Variants in FRAS1 observed in about 807,000 individuals in gnomAD.
The protein encoded by FRAS1 is extracellular matrix organizing protein FRAS1.
A neutral mutation model predicts 435.2 loss-of-function variants in FRAS1; 290 were observed. The observed-to-expected ratio is 0.67, with a 90% CI of 0.61 to 0.73. The LOEUF (loss-of-function observed/expected upper bound fraction) is 0.73, where lower values mean the gene tolerates loss of function less well. Among genes scored for constraint, FRAS1 ranks in the 30% least tolerant of loss-of-function variants. The pLI is 0.00. For missense variants in FRAS1, 4,860 were observed against 5,001.5 expected (o/e 0.97, Z 0.85); for synonymous variants, 1,800 against 1,851.0 (o/e 0.97, Z 0.71).
At chr4:78,243,277 C>T (rs1296091209) in intron 3 of FRAS1, among the ~76,000 whole-genome samples, 1 of 152,032 alleles carries the variant, frequency 6.6e-6, no homozygotes, top group Non-Finnish European at 1.5e-5. Flanking sequence ...AGGAGTACCC[C>T]ACTATTGTAA....
chr4:78,282,141 C>T (rs1304329451), intron 11 of FRAS1, among the ~76,000 whole-genome samples: 2 of 152,218 alleles, frequency 1.3e-5, no homozygotes, highest in Non-Finnish European at 2.9e-5. Flanking sequence ...CCTCCCTCAT[C>T]ACCCCAATAC....
At chr4:78,483,767 ACTCTCTCTCTCTCT>A (rs148245140) in intron 58 of FRAS1, among the ~76,000 whole-genome samples, 39,898 of 109,598 alleles carry the variant, frequency 0.36, 10,509 homozygotes, top group South Asian at 0.71. Context: ...GAAAAAAAAA[ACTCTCTCTCTCTCT>A]CTATATATAT....
intron 2 of FRAS1, among the ~76,000 whole-genome samples, chr4:78,129,193 C>A (rs1451577352): frequency 6.6e-6 from 1 of 152,182 alleles, no homozygotes; most frequent in African/African-American, 2.4e-5. Context: ...TAGCGTGATG[C>A]CTCCAGCTTT....
At chr4:78,452,461 A>C (rs867022403) in intron 47 of FRAS1, 107 bp downstream of exon 47, 2 of 849,346 alleles carry the variant, frequency 2.4e-6, no homozygotes, top group Middle Eastern at 3.0e-4. Flanking sequence ...CTTAATTCAT[A>C]TTTATTTTCT....
At chr4:78,198,792 A>G (rs1478859279) in intron 2 of FRAS1, among the ~76,000 whole-genome samples, 1 of 152,154 alleles carries the variant, frequency 6.6e-6, no homozygotes, top group Non-Finnish European at 1.5e-5. Context: ...GACCTTTATG[A>G]TAATCCATTT....
chr4:78,116,185 G>T (rs1262446151), intron 2 of FRAS1, among the ~76,000 whole-genome samples: 4 of 152,208 alleles, frequency 2.6e-5, no homozygotes, highest in Non-Finnish European at 5.9e-5. Flanking sequence ...TTGCCCTGTG[G>T]TCTGAGAGAC....
intron 69 of FRAS1, among the ~76,000 whole-genome samples, chr4:78,525,663 A>T (rs560080867): frequency 1.3e-5 from 2 of 152,366 alleles, no homozygotes; most frequent in Admixed American, 1.3e-4. Flanking sequence ...TATAATGAAG[A>T]TTCATAGTCC....
chr4:78,298,919 T>C (rs951550982), intron 14 of FRAS1, among the ~76,000 whole-genome samples: 2 of 152,172 alleles, frequency 1.3e-5, no homozygotes, highest in African/African-American at 4.8e-5. Context: ...AGTAAGTTAG[T>C]ACAGTAGGAT....
intron 2 of FRAS1, among the ~76,000 whole-genome samples, chr4:78,125,675 C>T (rs536522612): frequency 6.6e-6 from 1 of 152,322 alleles, no homozygotes; most frequent in South Asian, 2.1e-4. Flanking sequence ...AGGTCCACTC[C>T]AGATGCTGTT....
At chr4:78,278,321 C>T (rs1727160063) in intron 9 of FRAS1, among the ~76,000 whole-genome samples, 1 of 152,176 alleles carries the variant, frequency 6.6e-6, no homozygotes, top group African/African-American at 2.4e-5. Context: ...GTAGTGTGAT[C>T]CTTTTCTGAA....
intron 38 of FRAS1, among the ~76,000 whole-genome samples, chr4:78,435,477 G>T (rs1281582530): frequency 6.6e-6 from 1 of 152,184 alleles, no homozygotes; most frequent in East Asian, 1.9e-4. Context: ...GGTGGCTCAT[G>T]CCTGTAATCC....
intron 2 of FRAS1, among the ~76,000 whole-genome samples, chr4:78,082,147 A>C (rs2109877834): frequency 6.6e-6 from 1 of 152,258 alleles, no homozygotes. Flanking sequence ...TCCCTCTCTA[A>C]TGTTTCCAAT....
At position 78,441,233 on chromosome 4, in the gene FRAS1, G is replaced by C. The variant is rs1448989584; in HGVS notation, c.5601G>C (p.Gln1867His). Residue 1867 changes from glutamine (Q) to histidine (H), a missense_variant, in exon 41 of 74, where the codon CAG (glutamine) becomes CAC (histidine). By Grantham distance (24) the Gln-to-His change is conservative. Transcript: ENST00000512123. ...CTACTGATGATGATGACAACCTCCA[G>C]AGAGATGCCATCATTAAACTAAGTG... ...FFATDDDDNL[Q>H]RDAIIKLSAL... 2 of 1,613,650 alleles carry C rather than the reference G, an allele frequency of 1.2e-6. No homozygotes were observed. Among genetic ancestry groups the C allele is most frequent in the Admixed American group, 1.7e-5 (1 of 59,972 alleles).
chr4:78,520,269 T>G (rs866034910), intron 67 of FRAS1, among the ~76,000 whole-genome samples: 2 of 143,312 alleles, frequency 1.4e-5, no homozygotes, highest in African/African-American at 5.1e-5. Flanking sequence ...TTTTTTTTTT[T>G]CCTCATTTTT....
In FRAS1 at chr4:78,472,187, A is replaced by G; in HGVS notation, c.7379A>G (p.Asn2460Ser). Residue 2460 changes from asparagine to serine, a missense_variant, in exon 52 of 74, where the codon AAC becomes AGC. Coordinates refer to ENST00000512123, the MANE Select transcript of FRAS1 (RefSeq NM_025074.7). ...WLEYMDGKAT[N>S]LITKKELLTM... ...AATGGGTTTCTATTCTAGGCAACCA[A>G]CCTGATCACCAAGAAGGAACTGCTG... 1 of 1,613,912 alleles carries G rather than the reference A, an allele frequency of 6.2e-7. No homozygotes were observed. The highest frequency in any genetic ancestry group is 2.2e-5 in the East Asian group (1 of 44,870).
At chr4:78,380,141 G>A in intron 27 of FRAS1, 145 bp downstream of exon 27, 1 of 856,872 alleles carries the variant, frequency 1.2e-6, no homozygotes, top group Non-Finnish European at 1.8e-6. Flanking sequence ...AATACTCTCA[G>A]CTGCCTGTCA....
At chr4:78,459,016 C>T (rs1453910392) in intron 47 of FRAS1, among the ~76,000 whole-genome samples, 1 of 152,160 alleles carries the variant, frequency 6.6e-6, no homozygotes, top group Non-Finnish European at 1.5e-5. Context: ...TCTGTTTGGA[C>T]ATTAGAATCA....
chr4:78,306,785 T>G (rs1019240608), intron 14 of FRAS1, among the ~76,000 whole-genome samples: 10 of 152,150 alleles, frequency 6.6e-5, no homozygotes, highest in Non-Finnish European at 1.5e-4. Flanking sequence ...TTTCAAAGTT[T>G]TCAACTTCTT....
At chr4:78,363,461 C>T (rs537154454) in intron 20 of FRAS1, 52 bp from the exon 21 acceptor site, 2 of 1,550,094 alleles carry the variant, frequency 1.3e-6, no homozygotes, top group African/African-American at 2.7e-5. Flanking sequence ...AGTGATGAGA[C>T]TTTGTGCTCA....
Sources: allele counts gnomAD v4.1 joint callset (sites outside exome capture counted in the v4.1 genomes callset), GRCh38; gene constraint gnomAD v4.1.1; transcripts MANE v1.5; gene names NCBI Gene and HGNC (gene_info 2026-07-23, HGNC 2026-07-21).